Variants in RTEL1 observed in about 807,000 individuals in gnomAD.
RTEL1 encodes the protein regulator of telomere elongation helicase 1.
In RTEL1, 86 loss-of-function variants were observed where a neutral mutation model predicts 162.2. That is an observed-to-expected ratio of 0.53 (90% CI 0.45 to 0.63). The LOEUF (loss-of-function observed/expected upper bound fraction) is 0.63. Among genes scored for constraint, RTEL1 ranks in the 30% least tolerant of loss-of-function variants. The pLI is 0.00. For missense variants in RTEL1, 1,941 were observed against 1,750.2 expected, an observed-to-expected ratio of 1.11 and a Z score of -1.95; for synonymous variants, 958 against 717.9, an observed-to-expected ratio of 1.33 and a Z score of -5.35.
chr20:63,693,312 G>A (rs753729423), intron 30 of RTEL1, 29 bp downstream of exon 30: 4 of 1,610,202 alleles, frequency 2.5e-6, no homozygotes, highest in Middle Eastern at 1.7e-4. Context: ...GGGACCCTCA[G>A]ACTCCTGCGT....
rs1310993798 is a variant in RTEL1, at chr20:63,690,824, C to A, written c.2433C>A (p.Asp811Glu). The change falls in exon 27 of 35, where the codon GAC (aspartate) becomes GAA (glutamate). Residue 811 changes from aspartate (D) to glutamate (E), a missense_variant. Physicochemically the swap from Asp to Glu is conservative, Grantham distance 45 (BLOSUM62 2). Transcript: ENST00000360203. ...QRSSGSPAAG[D>E]PESSLCVEYE... ...CTGCAGGGTCACCAGCTGCCGGGGA[C>A]CCCGAGAGTAGCCTGTGTGTGGAGT... 5 of 1,605,004 alleles carry A rather than the reference C, an allele frequency of 3.1e-6. No individual in the cohort carries two copies. Among genetic ancestry groups the A allele is most frequent in the Non-Finnish European group, 4.2e-6 (5 of 1,177,664 alleles).
intron 12 of RTEL1, among the ~76,000 whole-genome samples, chr20:63,679,309 T>A (rs910370671): frequency 2.0e-5 from 3 of 152,172 alleles, no homozygotes; most frequent in African/African-American, 7.2e-5. Flanking sequence ...GTCCTCAGCG[T>A]AATGCTCAAG....
rs769364220 is a variant in RTEL1 at position 63,694,342 on chromosome 20, C to T, written c.2993-30C>T. 16 of 1,575,998 alleles carry T rather than the reference C, an allele frequency of 1.0e-5. No individual in the cohort carries two copies. In the African/African-American group the frequency reaches 1.1e-4, roughly 11 times the overall value. ...AGGGAACTTTCCAGATGCTCTCGAC[C>T]AGCTTTGTGGCTCTACATCTCTTCA... is the stretch of plus-strand genomic sequence containing the variant. On this transcript the variant is annotated intron_variant, in intron 30 of 34. Coordinates refer to ENST00000360203, the MANE Select transcript of RTEL1 (RefSeq NM_001283009.2).
At chr20:63,682,350 C>A (rs544090553) in intron 14 of RTEL1, 1 of 982,364 alleles carries the variant, frequency 1.0e-6, no homozygotes, top group East Asian at 1.2e-4. Context: ...CCTCCCAGGC[C>A]CCCAGCTATG....
Position 63,669,279 on chromosome 20 carries a change from T to G in RTEL1, c.699+1726T>G, listed in dbSNP as rs188197940. Among the ~76,000 whole-genome samples the G allele has an allele frequency of 1.2e-3, 179 of 152,364 alleles. 4 individuals carry two copies. The highest frequency in any genetic ancestry group is 4.3e-3 in the African/African-American group (177 of 41,586). On this transcript the variant is annotated intron_variant, in intron 8 of 34. Transcript: ENST00000360203. ...TCGGAAAACAGTGAATCTTAACTCT[T>G]GTTTTACCCTGTATAAACCTAAATG...
chr20:63,690,503 G>GGGGGGGGGGGC, intron 26 of RTEL1, 62 bp downstream of exon 26: 2 of 1,028,408 alleles, frequency 1.9e-6, no homozygotes, highest in Non-Finnish European at 2.8e-6. Flanking sequence ...CGTGGGGCGG[G>GGGGGGGGGGGC]CAGCACCAGG....
chr20:63,685,740 G>T lies in RTEL1; in HGVS notation c.1267-51G>T, dbSNP rs770627222. 2.8e-5 allele frequency: 45 copies of T among 1,594,982 alleles called. No homozygotes were observed. In the Admixed American group the frequency reaches 5.4e-4, roughly 19 times the overall value. ...TTCTGGTCCTAAAAGGTAAGGGGCT[G>T]CCCCCAGGACATGGGCGGGGCCTCC... On this transcript the variant is annotated intron_variant, in intron 15 of 34. Transcript: ENST00000360203.
At chr20:63,671,806 A>T (rs1292216606) in intron 8 of RTEL1, among the ~76,000 whole-genome samples, 1 of 151,032 alleles carries the variant, frequency 6.6e-6, no homozygotes, top group African/African-American at 2.4e-5. Context: ...GTGAAAATTT[A>T]AAAGTACCAA....
At chr20:63,690,054 G>T (rs779236922) in intron 24 of RTEL1, 33 bp from the exon 25 acceptor site, 1 of 1,603,766 alleles carries the variant, frequency 6.2e-7, no homozygotes, top group Non-Finnish European at 8.5e-7. Context: ...AAGCGGCTGT[G>T]GGCAGGGCAG....
At chr20:63,680,499 G>A (rs1235550509) in intron 13 of RTEL1, among the ~76,000 whole-genome samples, 165 bp from the exon 14 acceptor site, 3 of 152,236 alleles carry the variant, frequency 2.0e-5, no homozygotes, top group Admixed American at 1.3e-4. Context: ...AAGAGCAGGC[G>A]AACTGCCCGC....
chr20:63,686,265 G>A (rs1324021149), intron 16 of RTEL1: 3 of 276,644 alleles, frequency 1.1e-5, no homozygotes, highest in African/African-American at 2.2e-5. Flanking sequence ...CATCTGAAGG[G>A]GGCCCGGCTG....
At chr20:63,672,684 G>T (rs921053210) in intron 9 of RTEL1, 63 bp downstream of exon 9, 4 of 1,395,878 alleles carry the variant, frequency 2.9e-6, no homozygotes, top group Admixed American at 2.0e-5. Context: ...CAAGAGCCAC[G>T]CAAACCTTTC....
chr20:63,691,878 C>T (rs540789122), intron 28 of RTEL1, 41 bp downstream of exon 28: 6 of 1,551,174 alleles, frequency 3.9e-6, no homozygotes, highest in African/African-American at 1.4e-5. Flanking sequence ...CCACCATAGA[C>T]ACGCATGGGA....
Position 63,693,280 on chromosome 20 carries a change from A to G in RTEL1, c.2989A>G (p.Thr997Ala). 1.2e-6 allele frequency: 2 copies of G among 1,611,490 alleles called. No individual in the cohort carries two copies. The highest frequency in any genetic ancestry group is 1.3e-5 in the African/African-American group (1 of 74,868). The change falls in exon 30 of 35, where the codon ACT becomes GCT. Residue 997 changes from threonine to alanine, a missense_variant. By Grantham distance (58) the Thr-to-Ala change is moderately conservative. Coordinates refer to ENST00000360203, the MANE Select transcript of RTEL1 (RefSeq NM_001283009.2). Reference protein sequence around the residue: ...RQRAQPVLDPTGRTAPDPKLT... With the variant: ...RQRAQPVLDPAGRTAPDPKLT... ...GCGGGCACAGCCGGTCCTGGACCCC[A>G]CTGGTAAATGGGGCCCCAGGTGGGA...
rs748642383 is a variant in RTEL1 at position 63,685,875 on chromosome 20, A to G, written c.1348+3A>G. 2.5e-6 allele frequency: 4 copies of G among 1,612,210 alleles called. No homozygotes were observed. The East Asian group carries it at 6.7e-5, about 27-fold the overall frequency. Reference sequence around the variant, plus strand: ...CACCACTGCAGCCAGAAAGCGAGGTACAGACCTGGGCCCACACGCTCCCCG... The same window carrying G: ...CACCACTGCAGCCAGAAAGCGAGGTGCAGACCTGGGCCCACACGCTCCCCG... On this transcript the variant is annotated splice_donor_region_variant and intron_variant, in intron 16 of 34. Transcript: ENST00000360203.
intron 10 of RTEL1, among the ~76,000 whole-genome samples, chr20:63,677,095 G>GC (rs2090370009): frequency 9.3e-6 from 1 of 107,580 alleles, no homozygotes; most frequent in African/African-American, 3.9e-5. Flanking sequence ...GGCGGTTGTG[G>GC]CCTCTTTGCT....
chr20:63,687,548 G>C, intron 16 of RTEL1, 90 bp from the exon 17 acceptor site: 1 of 1,385,238 alleles, frequency 7.2e-7, no homozygotes, highest in South Asian at 1.4e-5. Flanking sequence ...GATGCCAGTG[G>C]GTGGAGAGGG....
intron 2 of RTEL1, chr20:63,660,927 G>C (rs1308138018): frequency 8.7e-6 from 2 of 229,308 alleles, no homozygotes; most frequent in Non-Finnish European, 1.8e-5. Flanking sequence ...GTTCCCGTCT[G>C]AGAGCTTGTA....
At chr20:63,686,001 C>A (rs1462592585) in intron 16 of RTEL1, 129 bp downstream of exon 16, 10 of 781,956 alleles carry the variant, frequency 1.3e-5, no homozygotes, top group Non-Finnish European at 2.1e-5. Context: ...TCTCCATATC[C>A]AGGCCAATCC....
Sources: allele counts gnomAD v4.1 joint callset (sites outside exome capture counted in the v4.1 genomes callset), GRCh38; gene constraint gnomAD v4.1.1; transcripts MANE v1.5; gene names NCBI Gene and HGNC (gene_info 2026-07-23, HGNC 2026-07-21).